The following STRBP variants were observed in gnomAD, a reference collection of about 807,000 sequenced individuals.
STRBP encodes the protein spermatid perinuclear RNA binding protein, also known as spermatid perinuclear RNA-binding protein.
STRBP carries 13 observed loss-of-function variants against 80.1 expected under a neutral mutation model. The observed-to-expected ratio is 0.16, with a 90% CI of 0.11 to 0.26. STRBP has a LOEUF of 0.26. Among genes scored for constraint, STRBP ranks in the 10% least tolerant of loss-of-function variants. STRBP has a pLI of 1.00. For synonymous variants in STRBP, 284 were observed against 291.2 expected, an observed-to-expected ratio of 0.98 and a Z score of 0.25; for missense variants, 485 against 815.2, an observed-to-expected ratio of 0.59 and a Z score of 4.93.
rs555433936 is a variant in STRBP at position 123,234,205 on chromosome 9, AAAAAAAAAAAAAAAG to A, written c.-165+2610_-165+2624del. Among the ~76,000 whole-genome samples, 493 of 145,126 alleles carry A rather than the reference AAAAAAAAAAAAAAAG, an allele frequency of 3.4e-3. 1 individual carries two copies. Among genetic ancestry groups the A allele is most frequent in the Non-Finnish European group, 5.9e-3 (400 of 67,670 alleles). ...GACAGAGCGAGACGCCGTGTCAAAAAAAAAAAAAAAAAAAGAAGTAAAACTAAATACTTCTAATTT... is the reference window on the plus strand; with the variant it reads ...GACAGAGCGAGACGCCGTGTCAAAAAAAGTAAAACTAAATACTTCTAATTT... On this transcript the variant is annotated intron_variant, in intron 2 of 18. Coordinates refer to ENST00000348403, the MANE Select transcript of STRBP (RefSeq NM_018387.5).
chr9:123,116,290 G>A (rs2035643864), intron 2 of STRBP, among the ~76,000 whole-genome samples: 1 of 152,154 alleles, frequency 6.6e-6, no homozygotes, highest in Admixed American at 6.5e-5. Flanking sequence ...TGTGGATGAG[G>A]CGGAACATAA....
At chr9:123,202,391 G>C (rs2039359112) in intron 2 of STRBP, among the ~76,000 whole-genome samples, 1 of 152,116 alleles carries the variant, frequency 6.6e-6, no homozygotes, top group Non-Finnish European at 1.5e-5. Context: ...AGCATTTCTT[G>C]TAGTGCTGGT....
At chr9:123,128,289 C>G (rs1362149024) in intron 17 of STRBP, 31 bp from the exon 18 acceptor site, 2 of 1,613,900 alleles carry the variant, frequency 1.2e-6, no homozygotes, top group Non-Finnish European at 1.7e-6. Flanking sequence ...GCAGATCAGT[C>G]CAAGACCCAG....
At chr9:123,118,340 T>C (rs1211997934), downstream of STRBP, among the ~76,000 whole-genome samples, 1 of 152,172 alleles carries the variant, frequency 6.6e-6, no homozygotes, top group African/African-American at 2.4e-5. Flanking sequence ...TTCACCTCAT[T>C]ACTTGGGGCA....
At chr9:123,242,559 C>T (rs1438949935) in intron 1 of STRBP, among the ~76,000 whole-genome samples, 1 of 152,120 alleles carries the variant, frequency 6.6e-6, no homozygotes, top group Admixed American at 6.5e-5. Flanking sequence ...ACTCAGGAGG[C>T]TGAGGCAGGA....
At chr9:123,186,011 G>A (rs1363087394) in intron 2 of STRBP, among the ~76,000 whole-genome samples, 9 of 75,770 alleles carry the variant, frequency 1.2e-4, no homozygotes, top group Non-Finnish European at 1.5e-4. Context: ...CAGCCTGGGC[G>A]AAAAAGCAAG....
chr9:123,162,958 C>T (rs1023779873), intron 6 of STRBP, among the ~76,000 whole-genome samples: 33 of 152,296 alleles, frequency 2.2e-4, no homozygotes, highest in Admixed American at 1.9e-3. Flanking sequence ...TCAGATAAAA[C>T]AAACTACTGT....
chr9:123,202,581 C>T (rs966735219), intron 2 of STRBP, among the ~76,000 whole-genome samples: 52 of 152,310 alleles, frequency 3.4e-4, no homozygotes, highest in Non-Finnish European at 6.0e-4. Flanking sequence ...TCTGCTGTTA[C>T]TTTGATAGGT....
At chr9:123,132,404 T>C (rs1179125629) in intron 17 of STRBP, among the ~76,000 whole-genome samples, 1 of 152,226 alleles carries the variant, frequency 6.6e-6, no homozygotes, top group Non-Finnish European at 1.5e-5. Context: ...TTTTCCTTTG[T>C]GTATTTCTTT....
chr9:123,240,108 C>T (rs1187416426), intron 1 of STRBP, among the ~76,000 whole-genome samples: 1 of 152,214 alleles, frequency 6.6e-6, no homozygotes, highest in Non-Finnish European at 1.5e-5. Flanking sequence ...CTTCAAGTTC[C>T]AACTCCTCCA....
At chr9:123,177,654 C>A (rs981608296) in intron 4 of STRBP, among the ~76,000 whole-genome samples, 1 of 152,120 alleles carries the variant, frequency 6.6e-6, no homozygotes, top group African/African-American at 2.4e-5. Flanking sequence ...CAGACCTCAT[C>A]CAGTTAAGCA....
At chr9:123,145,500 C>A (rs1418622269) in intron 13 of STRBP, among the ~76,000 whole-genome samples, 1 of 152,152 alleles carries the variant, frequency 6.6e-6, no homozygotes, top group East Asian at 1.9e-4. Flanking sequence ...AAATGTATCA[C>A]TGCATCATAG....
At chr9:123,182,525 T>C (rs1402249585) in intron 3 of STRBP, among the ~76,000 whole-genome samples, 1 of 152,152 alleles carries the variant, frequency 6.6e-6, no homozygotes, top group Non-Finnish European at 1.5e-5. Context: ...ATAATTCACA[T>C]GGTAAGATAT....
At position 123,147,113 on chromosome 9, in the gene STRBP, G is replaced by A. The variant is rs138711505; in HGVS notation, c.1139-59C>T. 577 of 1,499,908 alleles carry A rather than the reference G, an allele frequency of 3.8e-4. 1 individual carries two copies. In the African/African-American group the frequency reaches 4.4e-3, roughly 11 times the overall value. 92.9% of individuals were successfully genotyped at this position (1,499,908 alleles called of 1,614,324 possible). ...ACTAGAAAGTAATTTTGCTTTATGC[G>A]TTTTTGGGGTTCCTAGTAACTACTG... On this transcript the variant is annotated intron_variant, in intron 12 of 18. Coordinates refer to ENST00000348403, the MANE Select transcript of STRBP (RefSeq NM_018387.5).
chr9:123,208,582 T>G (rs1365567912), intron 2 of STRBP, among the ~76,000 whole-genome samples: 1 of 152,210 alleles, frequency 6.6e-6, no homozygotes, highest in Non-Finnish European at 1.5e-5. Flanking sequence ...CATTGTAGTA[T>G]AAAAGCATCC....
chr9:123,182,731 G>C (rs2038530540), intron 3 of STRBP, among the ~76,000 whole-genome samples: 2 of 152,094 alleles, frequency 1.3e-5, no homozygotes, highest in African/African-American at 2.4e-5. Flanking sequence ...TCACCAGGCT[G>C]GGCACGGTGC....
At chr9:123,161,829 C>T (rs1488157408) in intron 6 of STRBP, among the ~76,000 whole-genome samples, 1 of 152,144 alleles carries the variant, frequency 6.6e-6, no homozygotes, top group Non-Finnish European at 1.5e-5. Flanking sequence ...AGCAAATATC[C>T]ATATTTGAGA....
At chr9:123,154,992 C>CGCTGGT (rs1485711044) in intron 11 of STRBP, among the ~76,000 whole-genome samples, 1 of 152,036 alleles carries the variant, frequency 6.6e-6, no homozygotes, top group African/African-American at 2.4e-5. Flanking sequence ...GAGGAACTGA[C>CGCTGGT]GCTGGTGAGA....
At chr9:123,164,238 G>A (rs2037655132) in intron 6 of STRBP, among the ~76,000 whole-genome samples, 1 of 152,022 alleles carries the variant, frequency 6.6e-6, no homozygotes, top group Admixed American at 6.6e-5. Context: ...GTAGAGATGG[G>A]GTTTCACCAT....
Sources: gnomAD v4.1 joint callset for allele counts (sites outside exome capture counted in the v4.1 genomes callset) on GRCh38, gnomAD v4.1.1 for gene constraint, MANE v1.5 for transcripts, NCBI Gene and HGNC (gene_info 2026-07-23, HGNC 2026-07-21) for gene names.